Variants in AGR2 observed in about 807,000 individuals in gnomAD.
AGR2 encodes anterior gradient 2, protein disulphide isomerase family member, also known as anterior gradient protein 2 homolog.
Under a neutral mutation model 25.9 loss-of-function variants are expected in AGR2, and 27 were observed. That is an observed-to-expected ratio of 1.04 (90% CI 0.77 to 1.44). AGR2 has a LOEUF of 1.44. AGR2 is among the 40% of genes most tolerant of loss of function. AGR2 has a pLI of 0.00. For synonymous variants in AGR2, 78 were observed against 72.0 expected (o/e 1.08, Z -0.42); for missense variants, 182 against 200.9 (o/e 0.91, Z 0.57).
intron 1 of AGR2, among the ~76,000 whole-genome samples, chr7:16,802,114 G>A (rs7785269): frequency 0.082 from 12,477 of 151,770 alleles, 1,665 homozygotes; most frequent in African/African-American, 0.28. Flanking sequence ...ACGGTCAACC[G>A]CGTCCAAAAT....
At chr7:16,804,267 T>TATAC (rs1785197559) in intron 1 of AGR2, among the ~76,000 whole-genome samples, 1 of 107,490 alleles carries the variant, frequency 9.3e-6, no homozygotes, top group South Asian at 3.7e-4. Context: ...CAGACATAGG[T>TATAC]ACACACACAC....
At chr7:16,798,179 G>C (rs1257301475) in intron 5 of AGR2, among the ~76,000 whole-genome samples, 1 of 152,198 alleles carries the variant, frequency 6.6e-6, no homozygotes, top group Non-Finnish European at 1.5e-5. Context: ...GGATGCAGTG[G>C]GTGAAATGTT....
rs372209181 is a variant in AGR2, at chr7:16,799,806, C to G, written c.268G>C (p.Val90Leu). The G allele has an allele frequency of 6.2e-7, 1 of 1,610,486 alleles. No individual in the cohort carries two copies. Among genetic ancestry groups the G allele is most frequent in the South Asian group, 1.1e-5 (1 of 90,868 alleles). The part of the protein sequence containing the change: ...ECPHSQALKK[V>L]FAENKEIQKL... ...TGGATTTCTTTATTTTCAGCAAACA[C>G]TTTCTTTAAAGCTATAATATAAAGA... The change falls in exon 5 of 8, where the codon GTG becomes CTG. Residue 90 changes from valine to leucine, a missense_variant. By Grantham distance (32) the Val-to-Leu change is conservative (BLOSUM62 1). Coordinates refer to ENST00000419304, the MANE Select transcript of AGR2 (RefSeq NM_006408.4).
In AGR2 at chr7:16,801,717, G is replaced by A; in HGVS notation, c.80C>T (p.Pro27Leu). The A allele has an allele frequency of 6.2e-7, 1 of 1,613,720 alleles. No homozygotes were observed. The highest frequency in any genetic ancestry group is 1.3e-5 in the African/African-American group (1 of 74,868). Residue 27 changes from proline to leucine, a missense_variant, in exon 2 of 8, where the codon CCT becomes CTT. Transcript: ENST00000419304. The part of the protein sequence containing the change: ...YTLARDTTVK[P>L]GAKKDTKDSR... The stretch of plus-strand genomic sequence containing the variant: ...GTCCTTTGTGTCCTTTTTGGCTCCA[G>A]GTTTGACTGTGGTATCTCTGGCCAG...
At chr7:16,796,055 A>G (rs1422166560) in intron 6 of AGR2, among the ~76,000 whole-genome samples, 1 of 152,234 alleles carries the variant, frequency 6.6e-6, no homozygotes, top group Admixed American at 6.5e-5. Context: ...GCACATTGGA[A>G]TCATCTGGAG....
chr7:16,798,565 AC>A (rs909204543), intron 5 of AGR2, among the ~76,000 whole-genome samples: 1 of 152,106 alleles, frequency 6.6e-6, no homozygotes, highest in Non-Finnish European at 1.5e-5. Flanking sequence ...AGGCACTGTG[AC>A]CCCAGTTTGG....
intron 7 of AGR2, chr7:16,794,714 T>C: frequency 8.1e-7 from 1 of 1,234,242 alleles, no homozygotes; most frequent in Non-Finnish European, 1.1e-6. Flanking sequence ...AAAAGATACC[T>C]AATCTAAATA....
chr7:16,803,976 C>A (rs530084417), intron 1 of AGR2, among the ~76,000 whole-genome samples: 1 of 152,036 alleles, frequency 6.6e-6, no homozygotes, highest in Non-Finnish European at 1.5e-5. Flanking sequence ...ATTTACTTAG[C>A]CCATTTACAG....
chr7:16,795,845 G>T (rs1275420539), intron 6 of AGR2, among the ~76,000 whole-genome samples: 1 of 152,194 alleles, frequency 6.6e-6, no homozygotes, highest in East Asian at 1.9e-4. Flanking sequence ...GCTGGTACTG[G>T]AGTGGGCAAT....
chr7:16,797,742 C>G (rs771727052), intron 5 of AGR2, 48 bp from the exon 6 acceptor site: 1 of 1,520,290 alleles, frequency 6.6e-7, no homozygotes, highest in South Asian at 1.2e-5. Context: ...ACTTTTCAGT[C>G]GTTTTCAAAC....
intron 6 of AGR2, among the ~76,000 whole-genome samples, chr7:16,795,484 G>T (rs938372976): frequency 6.6e-6 from 1 of 152,048 alleles, no homozygotes; most frequent in Non-Finnish European, 1.5e-5. Context: ...AGGAATGCAA[G>T]TCCTTAACAA....
chr7:16,799,317 G>GGGT (rs1026949788), intron 5 of AGR2, among the ~76,000 whole-genome samples: 4 of 152,120 alleles, frequency 2.6e-5, no homozygotes, highest in African/African-American at 9.7e-5. Flanking sequence ...GCACCGTGAG[G>GGGT]GGTGGTAGTG....
intron 2 of AGR2, 55 bp downstream of exon 2, chr7:16,801,603 G>T: frequency 4.4e-6 from 7 of 1,609,090 alleles, no homozygotes; most frequent in Non-Finnish European, 6.0e-6. Context: ...CCAAGAGAGA[G>T]GAAATCTTTT....
Position 16,792,734 on chromosome 7 carries a change from C to T in AGR2, c.*174G>A. The T allele has an allele frequency of 1.6e-6, 1 of 634,138 alleles. No individual in the cohort carries two copies. Among genetic ancestry groups the T allele is most frequent in the Non-Finnish European group, 2.8e-6 (1 of 357,572 alleles). 39.3% of individuals were successfully genotyped at this position (634,138 alleles called of 1,614,324 possible). A position where few individuals can be genotyped will look rare whatever the true frequency, so the allele number is the denominator to read the frequency against. On this transcript the variant is annotated 3_prime_UTR_variant, in exon 8 of 8. Coordinates refer to ENST00000419304, the MANE Select transcript of AGR2 (RefSeq NM_006408.4). The stretch of plus-strand genomic sequence containing the variant: ...ATACAATATTGTTTTCACACATGTA[C>T]ACTTGAAACCAAATTTCTAAAACTT...
At chr7:16,795,403 T>C (rs186101412) in intron 6 of AGR2, among the ~76,000 whole-genome samples, 26 of 152,036 alleles carry the variant, frequency 1.7e-4, no homozygotes, top group African/African-American at 6.0e-4. Flanking sequence ...GTAGTTTACA[T>C]GTTTCTAGAT....
chr7:16,793,989 G>A (rs1166336418), intron 7 of AGR2, among the ~76,000 whole-genome samples: 8 of 152,194 alleles, frequency 5.3e-5, no homozygotes, highest in African/African-American at 1.7e-4. Flanking sequence ...TTATTAAAAT[G>A]TATGGTATTA....
At position 16,797,815 on chromosome 7, in the gene AGR2, A is replaced by G. The variant is rs184631293; in HGVS notation, c.331-121T>C. On this transcript the variant is annotated intron_variant, in intron 5 of 7. Coordinates refer to ENST00000419304, the MANE Select transcript of AGR2 (RefSeq NM_006408.4). ...TCTCAAGATATCATAACTCTTCCAC[A>G]CAGAGTTTATTGTACAGATGAGGAG... The G allele has an allele frequency of 2.2e-3, 1,579 of 716,322 alleles. 4 individuals carry two copies. Among genetic ancestry groups the G allele is most frequent in the Non-Finnish European group, 3.1e-3 (1,295 of 423,280 alleles). 44.4% of individuals were successfully genotyped at this position (716,322 alleles called of 1,614,324 possible).
chr7:16,792,880 G>C lies in AGR2; in HGVS notation c.*28C>G. The C allele has an allele frequency of 6.2e-7, 1 of 1,604,044 alleles. No individual in the cohort carries two copies. The highest frequency in any genetic ancestry group is 1.1e-5 in the South Asian group (1 of 90,848). ...TGGTTTCAAGTCTCAAGGCCTGACA[G>C]ACAGAAGGGCTTGGAGATTTTTTTT... On this transcript the variant is annotated 3_prime_UTR_variant, in exon 8 of 8. Coordinates refer to ENST00000419304, the MANE Select transcript of AGR2 (RefSeq NM_006408.4).
rs1785185786 is a variant in AGR2, at chr7:16,803,710, G to A, written c.-8+1225C>T. ...ATGCCAATAACTTTTGTCTTCTAGAGTTTTGCAAAAACAACCTAAGTGTTC... is the reference window on the plus strand; with the variant it reads ...ATGCCAATAACTTTTGTCTTCTAGAATTTTGCAAAAACAACCTAAGTGTTC... On this transcript the variant is annotated intron_variant, in intron 1 of 7. Transcript: ENST00000419304. 5.3e-5 allele frequency among the ~76,000 whole-genome samples: 8 copies of A among 152,218 alleles called. No individual in the cohort carries two copies. The South Asian group carries it at 1.7e-3, about 32-fold the overall frequency.
Sources: gnomAD v4.1 joint callset for allele counts (sites outside exome capture counted in the v4.1 genomes callset) on GRCh38, gnomAD v4.1.1 for gene constraint, MANE v1.5 for transcripts, NCBI Gene and HGNC (gene_info 2026-07-23, HGNC 2026-07-21) for gene names.